The following ATP6V0A4 variants were observed in gnomAD, a reference collection of about 807,000 sequenced individuals.
ATP6V0A4 encodes the protein V-type proton ATPase 116 kDa subunit a 4.
Under a neutral mutation model 107.3 loss-of-function variants are expected in ATP6V0A4, and 86 were observed. The observed-to-expected ratio is 0.80, with a 90% confidence interval of 0.67 to 0.96. The LOEUF is 0.96. Among genes scored for constraint, ATP6V0A4 ranks in the 40% least tolerant of loss-of-function variants. The probability of loss-of-function intolerance (pLI) is 0.00; values close to 1 mark genes in which losing one functional copy is unlikely to be tolerated. For synonymous variants in ATP6V0A4, 353 were observed against 381.4 expected (o/e 0.93, Z 0.87); for missense variants, 908 against 1,045.6 (o/e 0.87, Z 1.81).
intron 14 of ATP6V0A4, 68 bp downstream of exon 14, chr7:138,745,055 A>G: frequency 7.0e-7 from 1 of 1,430,372 alleles, no homozygotes. Flanking sequence ...GACTCCCCCA[A>G]CCATGAAAAC....
intron 11 of ATP6V0A4, among the ~76,000 whole-genome samples, chr7:138,749,980 C>A (rs533938130): frequency 6.6e-6 from 1 of 152,278 alleles, no homozygotes; most frequent in East Asian, 1.9e-4. Context: ...CAGCCTCTCC[C>A]CTCTCCGTTT....
intron 1 of ATP6V0A4, among the ~76,000 whole-genome samples, chr7:138,790,355 A>G (rs903353388): frequency 2.0e-5 from 3 of 152,082 alleles, no homozygotes; most frequent in African/African-American, 7.2e-5. Flanking sequence ...GAGTAGTGGC[A>G]TGATCTTGGC....
At chr7:138,732,545 G>A (rs144864467) in intron 17 of ATP6V0A4, among the ~76,000 whole-genome samples, 450 of 152,174 alleles carry the variant, frequency 3.0e-3, no homozygotes, top group African/African-American at 0.01. Context: ...TGTAATCCCA[G>A]CATTTTGCGA....
chr7:138,732,793 C>CAA (rs1222586282), intron 17 of ATP6V0A4, 84 bp downstream of exon 17: 2,717 of 1,097,852 alleles, frequency 2.5e-3, no homozygotes, highest in Middle Eastern at 3.2e-3. Context: ...GACTCTTTCT[C>CAA]AAAAAAAAAA....
In ATP6V0A4 at chr7:138,792,771, TTTTTTTGTTGTTTTG is replaced by T. The variant is rs767441267; in HGVS notation, c.-121+5248_-121+5262del. Among the ~76,000 whole-genome samples, 110 of 82,582 alleles carry T rather than the reference TTTTTTTGTTGTTTTG, an allele frequency of 1.3e-3. 11 individuals are homozygous for T. Among genetic ancestry groups the T allele is most frequent in the South Asian group, 1.4e-3 (3 of 2,170 alleles). The allele number at this position is 82,582 out of a possible 152,430, so 54.2% of individuals were successfully genotyped here. On this transcript the variant is annotated intron_variant, in intron 1 of 21. Coordinates refer to ENST00000310018, the MANE Select transcript of ATP6V0A4 (RefSeq NM_020632.3). ...GCATCACCAAACTCAGGTTTGTTTTTTTTTTTGTTGTTTTGTTTTTTTTTTTGTAGCAACAGAGTT... is the reference window on the plus strand; with the variant it reads ...GCATCACCAAACTCAGGTTTGTTTTTTTTTTTTTTTTGTAGCAACAGAGTT...
rs929483161 is a variant in ATP6V0A4 at position 138,768,827 on chromosome 7, C to G, written c.244G>C (p.Glu82Gln). 1 of 1,614,168 alleles carries G rather than the reference C, an allele frequency of 6.2e-7. No homozygotes were observed. Among genetic ancestry groups the G allele is most frequent in the South Asian group, 1.1e-5 (1 of 91,080 alleles). The change falls in exon 5 of 22, where the codon GAG becomes CAG. Residue 82 changes from glutamate to glutamine, a missense_variant. By Grantham distance (29) the Glu-to-Gln change is conservative. Coordinates refer to ENST00000310018, the MANE Select transcript of ATP6V0A4 (RefSeq NM_020632.3). ...MQNEIVVQLL[E>Q]KSPLTPLPRE... Reference sequence around the variant, plus strand: ...GGGAGCGGGGTCAGTGGGCTTTTCTCGAGCAACTGAACTACAATCTCATTT... The same window carrying G: ...GGGAGCGGGGTCAGTGGGCTTTTCTGGAGCAACTGAACTACAATCTCATTT...
chr7:138,743,051 A>C (rs1174031087), intron 14 of ATP6V0A4, among the ~76,000 whole-genome samples: 2 of 152,160 alleles, frequency 1.3e-5, no homozygotes, highest in East Asian at 3.8e-4. Context: ...AGAAACAAGA[A>C]GAGACTGCGT....
chr7:138,795,053 A>G (rs1234750205), intron 1 of ATP6V0A4, among the ~76,000 whole-genome samples: 1 of 151,896 alleles, frequency 6.6e-6, no homozygotes, highest in Non-Finnish European at 1.5e-5. Flanking sequence ...ATGCACCACC[A>G]CGCCTGGCTA....
Position 138,769,105 on chromosome 7 carries a change from G to A in ATP6V0A4, c.196+68C>T, listed in dbSNP as rs374516789. On this transcript the variant is annotated intron_variant, in intron 4 of 21. Transcript: ENST00000310018. ...GGGACACATTTGTTCATTAAGTCCT[G>A]CAAACTATTAACCCCCTTGCCAGTT... The A allele has an allele frequency of 3.7e-5, 59 of 1,597,638 alleles. 1 individual carries two copies. In the African/African-American group the frequency reaches 7.4e-4, roughly 20 times the overall value.
In ATP6V0A4 at chr7:138,747,047, AT is replaced by A. The variant is rs557637270; in HGVS notation, c.1320+377del. ...AAAATTGGTGGATAAGCACAAACAAATTGGAAAGATATCCAAAAGCATTCAT... is the reference window on the plus strand; with the variant it reads ...AAAATTGGTGGATAAGCACAAACAAATGGAAAGATATCCAAAAGCATTCAT... On this transcript the variant is annotated intron_variant, in intron 13 of 21. Transcript: ENST00000310018. Among the ~76,000 whole-genome samples, 125 of 152,224 alleles carry A rather than the reference AT, an allele frequency of 8.2e-4. 1 individual carries two copies. Among genetic ancestry groups the A allele is most frequent in the Admixed American group, 7.5e-3 (115 of 15,288 alleles).
intron 16 of ATP6V0A4, among the ~76,000 whole-genome samples, chr7:138,733,928 C>G (rs776520642): frequency 9.2e-5 from 14 of 152,156 alleles, no homozygotes; most frequent in Admixed American, 2.6e-4. Context: ...GAGCACTTAC[C>G]TTGGAGAGAC....
At chr7:138,714,613 G>T (rs1437882146) in intron 20 of ATP6V0A4, among the ~76,000 whole-genome samples, 1 of 152,066 alleles carries the variant, frequency 6.6e-6, no homozygotes, top group African/African-American at 2.4e-5. Context: ...AGATACAATT[G>T]TATTTCTGGG....
chr7:138,779,429 T>C (rs1297525186), intron 2 of ATP6V0A4, among the ~76,000 whole-genome samples: 1 of 152,118 alleles, frequency 6.6e-6, no homozygotes, highest in Non-Finnish European at 1.5e-5. Context: ...CTTTACTCAG[T>C]CTACCCATTC....
At chr7:138,721,839 C>G in intron 19 of ATP6V0A4, 58 bp downstream of exon 19, 1 of 1,601,860 alleles carries the variant, frequency 6.2e-7, no homozygotes, top group Non-Finnish European at 8.5e-7. Flanking sequence ...CTGCCTATGT[C>G]CATTCTAGAA....
chr7:138,777,082 G>C (rs1807692987), intron 2 of ATP6V0A4, among the ~76,000 whole-genome samples: 1 of 151,678 alleles, frequency 6.6e-6, no homozygotes, highest in South Asian at 2.1e-4. Context: ...CCGGGAAGTG[G>C]AGGTTGCAGT....
intron 18 of ATP6V0A4, among the ~76,000 whole-genome samples, chr7:138,724,876 T>G (rs1804629339): frequency 6.6e-6 from 1 of 152,210 alleles, no homozygotes; most frequent in East Asian, 1.9e-4. Flanking sequence ...TCCAGATACT[T>G]ACTTGCAGTC....
chr7:138,786,335 A>G (rs562277436), intron 1 of ATP6V0A4, 75 bp from the exon 2 acceptor site: 4 of 152,364 alleles, frequency 2.6e-5, no homozygotes, highest in African/African-American at 7.2e-5. Flanking sequence ...TAATCCCAAC[A>G]CTGTGGGAGG....
chr7:138,743,947 C>T (rs1805770976), intron 14 of ATP6V0A4, among the ~76,000 whole-genome samples: 1 of 152,096 alleles, frequency 6.6e-6, no homozygotes, highest in Admixed American at 6.6e-5. Context: ...CTGTTCTCCC[C>T]CAGTTCATTA....
At chr7:138,724,747 C>A (rs1804622469) in intron 18 of ATP6V0A4, among the ~76,000 whole-genome samples, 1 of 152,122 alleles carries the variant, frequency 6.6e-6, no homozygotes, top group Admixed American at 6.6e-5. Flanking sequence ...ACGGTTTCTC[C>A]ATTTCCAACC....
Sources: gnomAD v4.1 joint callset for allele counts (sites outside exome capture counted in the v4.1 genomes callset) on GRCh38, gnomAD v4.1.1 for gene constraint, MANE v1.5 for transcripts, NCBI Gene and HGNC (gene_info 2026-07-23, HGNC 2026-07-21) for gene names.